The following ASTN2 variants were observed in gnomAD, a reference collection of about 807,000 sequenced individuals.
ASTN2 encodes astrotactin-2.
In ASTN2, 54 loss-of-function variants were observed where a neutral mutation model predicts 139.8. The ratio of observed to expected loss-of-function variants is 0.39; its 90% CI spans 0.31 to 0.48. The LOEUF (loss-of-function observed/expected upper bound fraction) is 0.48. Among genes scored for constraint, ASTN2 ranks in the 20% least tolerant of loss-of-function variants. The probability of loss-of-function intolerance (pLI) is 0.95; values close to 1 mark genes in which losing one functional copy is unlikely to be tolerated. For missense variants in ASTN2, 1,565 were observed against 1,725.1 expected, an observed-to-expected ratio of 0.91 and a Z score of 1.64; for synonymous variants, 756 against 719.5, an observed-to-expected ratio of 1.05 and a Z score of -0.81.
chr9:116,642,146 C>CAAACA (rs1177856903), intron 17 of ASTN2, among the ~76,000 whole-genome samples: 2 of 120,318 alleles, frequency 1.7e-5, no homozygotes, highest in African/African-American at 6.3e-5. Context: ...AAAAAAAAAA[C>CAAACA]AAAAAAAAAC....
intron 16 of ASTN2, among the ~76,000 whole-genome samples, chr9:116,680,839 ACT>A (rs1327397245): frequency 5.3e-5 from 8 of 152,050 alleles, no homozygotes; most frequent in African/African-American, 1.9e-4. Context: ...CATGCTAAAA[ACT>A]CTCAATAAAT....
intron 3 of ASTN2, chr9:117,197,045 G>A (rs1212701906): frequency 6.6e-6 from 1 of 152,174 alleles, no homozygotes; most frequent in Non-Finnish European, 1.5e-5. Context: ...TGCTTTACAA[G>A]AATAGCTAGC....
chr9:116,635,081 T>G (rs1389888420), intron 17 of ASTN2, among the ~76,000 whole-genome samples: 1 of 152,244 alleles, frequency 6.6e-6, no homozygotes, highest in Non-Finnish European at 1.5e-5. Context: ...AATACTATTA[T>G]TACCTCCACT....
chr9:117,083,525 T>A (rs1828482071), intron 5 of ASTN2, among the ~76,000 whole-genome samples: 1 of 152,124 alleles, frequency 6.6e-6, no homozygotes, highest in South Asian at 2.1e-4. Flanking sequence ...CCATGACCAG[T>A]GGCATGGTCT....
rs751409403 is a variant in ASTN2 at position 117,414,596 on chromosome 9, C to A, written c.343G>T (p.Ala115Ser). The A allele has an allele frequency of 1.0e-5, 16 of 1,569,170 alleles. No individual in the cohort carries two copies. Among genetic ancestry groups the A allele is most frequent in the East Asian group, 7.6e-5 (3 of 39,338 alleles). The change falls in exon 1 of 23, where the codon GCC (alanine) becomes TCC (serine). Residue 115 changes from alanine (A) to serine (S), a missense_variant. Coordinates refer to ENST00000313400, the MANE Select transcript of ASTN2 (RefSeq NM_001365068.1). The surrounding 1 kb of genome is among the most constrained non-coding windows in gnomAD (Gnocchi z 4.2). ...PGSPGSAGTA[A>S]ESRLLLFVRN... The stretch of plus-strand genomic sequence containing the variant: ...ACAAAGAGCAGGAGGCGCGACTCGG[C>A]GGCGGTGCCGGCAGAGCCAGGAGAG...
chr9:116,812,947 G>A (rs1556480), intron 12 of ASTN2, among the ~76,000 whole-genome samples: 41,645 of 151,978 alleles, frequency 0.27, 6,257 homozygotes, highest in African/African-American at 0.38. Context: ...TGAAACAGGA[G>A]CAGTTCTCCC....
At chr9:117,340,558 C>T (rs764077141) in intron 1 of ASTN2, among the ~76,000 whole-genome samples, 1 of 152,004 alleles carries the variant, frequency 6.6e-6, no homozygotes, top group Admixed American at 6.6e-5. Flanking sequence ...AAAATGGAAA[C>T]AGAAGAAGCT....
chr9:116,691,465 T>C (rs1646633364), intron 16 of ASTN2, among the ~76,000 whole-genome samples: 1 of 152,182 alleles, frequency 6.6e-6, no homozygotes, highest in Non-Finnish European at 1.5e-5. Context: ...GGCAAGCATG[T>C]TTTCCAGGAA....
intron 6 of ASTN2, among the ~76,000 whole-genome samples, chr9:117,022,460 A>T (rs1837912306): frequency 1.3e-5 from 2 of 151,946 alleles, no homozygotes; most frequent in Admixed American, 1.3e-4. Context: ...AAAAACAAAA[A>T]AACAAAAAAC....
chr9:117,143,843 T>C (rs1010930274), intron 3 of ASTN2, among the ~76,000 whole-genome samples: 2 of 152,074 alleles, frequency 1.3e-5, no homozygotes, highest in African/African-American at 2.4e-5. Flanking sequence ...CCTTCCTCTT[T>C]TGATAAGGCC....
chr9:116,950,365 T>G (rs891034833), intron 10 of ASTN2, among the ~76,000 whole-genome samples: 2 of 152,044 alleles, frequency 1.3e-5, no homozygotes, highest in African/African-American at 4.8e-5. Context: ...GAGAAGTGGG[T>G]AGAAAATGAA....
chr9:117,180,831 G>A (rs966188952), intron 3 of ASTN2: 3 of 1,548,294 alleles, frequency 1.9e-6, no homozygotes, highest in East Asian at 4.5e-5. Flanking sequence ...ACTTGGTGAA[G>A]CCCCACTTCT....
chr9:116,670,421 G>T (rs1859125791), intron 16 of ASTN2, among the ~76,000 whole-genome samples: 1 of 152,300 alleles, frequency 6.6e-6, no homozygotes, highest in Non-Finnish European at 1.5e-5. Flanking sequence ...CTCCCCAAGT[G>T]CTGGGATTAC....
chr9:116,882,828 T>TAAA lies in ASTN2; in HGVS notation c.1890-19098_1890-19096dup, dbSNP rs201560268. 8.3e-4 allele frequency among the ~76,000 whole-genome samples: 120 copies of TAAA among 144,470 alleles called. 2 individuals are homozygous for TAAA. The highest frequency in any genetic ancestry group is 3.8e-3 in the South Asian group (17 of 4,516). 94.8% of individuals were successfully genotyped at this position (144,470 alleles called of 152,430 possible). A position where few individuals can be genotyped will look rare whatever the true frequency, so the allele number is the denominator to read the frequency against. On this transcript the variant is annotated intron_variant, in intron 10 of 22. Transcript: ENST00000313400. ...GGTGACAGACAGAGACCTTGACTCT[T>TAAA]AAAAAAAAAAAAAAGTATTCATTTT...
intron 10 of ASTN2, among the ~76,000 whole-genome samples, chr9:116,898,264 C>T (rs772235500): frequency 5.3e-5 from 8 of 151,766 alleles, no homozygotes; most frequent in Non-Finnish European, 1.2e-4. Flanking sequence ...AAAAATAGCG[C>T]CAAGCATGGT....
rs549105742 is a variant in ASTN2, at chr9:117,110,304, C to A, written c.1169-14153G>T. Among the ~76,000 whole-genome samples, 207 of 152,220 alleles carry A rather than the reference C, an allele frequency of 1.4e-3. 1 individual carries two copies. The highest frequency in any genetic ancestry group is 4.9e-3 in the African/African-American group (204 of 41,550). On this transcript the variant is annotated intron_variant, in intron 4 of 22. Transcript: ENST00000313400. ...CCATTTTGACCTGCTTCTGGGAATTCACCATAAGGGACCCATCCTAGACAC... is the reference window on the plus strand; with the variant it reads ...CCATTTTGACCTGCTTCTGGGAATTAACCATAAGGGACCCATCCTAGACAC...
chr9:117,018,592 T>C (rs1048564189), intron 6 of ASTN2, among the ~76,000 whole-genome samples: 2 of 152,168 alleles, frequency 1.3e-5, no homozygotes, highest in East Asian at 3.9e-4. Flanking sequence ...TGGAATTGGC[T>C]TCACTGGAAA....
chr9:116,880,803 G>A (rs952299248), intron 10 of ASTN2, among the ~76,000 whole-genome samples: 4 of 152,070 alleles, frequency 2.6e-5, no homozygotes, highest in Non-Finnish European at 5.9e-5. Context: ...GACTTACTAG[G>A]TTCTAACTCC....
intron 3 of ASTN2, among the ~76,000 whole-genome samples, chr9:117,143,651 A>C (rs1320060178): frequency 2.0e-5 from 3 of 152,184 alleles, no homozygotes; most frequent in Non-Finnish European, 4.4e-5. Context: ...GGTTGTCTTA[A>C]ACAACAGACA....
Sources: allele counts gnomAD v4.1 joint callset (sites outside exome capture counted in the v4.1 genomes callset), GRCh38; gene constraint gnomAD v4.1.1; non-coding constraint Gnocchi (gnomAD v3.1); transcripts MANE v1.5; gene names NCBI Gene and HGNC (gene_info 2026-07-23, HGNC 2026-07-21).